WNT11: variants seen among roughly 807,000 people sequenced by gnomAD.
WNT11 encodes protein Wnt-11.
Under a neutral mutation model 35.6 loss-of-function variants are expected in WNT11, and 20 were observed. That is an observed-to-expected ratio of 0.56 (90% CI 0.40 to 0.82). The LOEUF is 0.82. Among genes scored for constraint, WNT11 ranks in the 40% least tolerant of loss-of-function variants. WNT11 has a pLI of 0.00. For synonymous variants in WNT11, 200 were observed against 211.9 expected, an observed-to-expected ratio of 0.94 and a Z score of 0.49; for missense variants, 459 against 504.4, an observed-to-expected ratio of 0.91 and a Z score of 0.86.
Position 76,186,885 on chromosome 11 carries a change from G to T in WNT11, c.*180C>A. On this transcript the variant is annotated 3_prime_UTR_variant, in exon 5 of 5. Transcript: ENST00000322563. ...CTTTGATGTCCTGCCCTCCTTCCAG[G>T]GTGGCCAGACCTTCTGTTCCTGGTG... is the stretch of plus-strand genomic sequence containing the variant. The T allele has an allele frequency of 1.1e-6, 1 of 890,470 alleles. No individual in the cohort carries two copies. The highest frequency in any genetic ancestry group is 1.8e-6 in the Non-Finnish European group (1 of 558,486). The allele number at this position is 890,470 out of a possible 1,614,324, so 55.2% of individuals were successfully genotyped here.
intron 1 of WNT11, among the ~76,000 whole-genome samples, chr11:76,202,602 C>T (rs947030700): frequency 2.0e-5 from 3 of 152,270 alleles, no homozygotes; most frequent in African/African-American, 4.8e-5. Flanking sequence ...TCTCCCTCCA[C>T]GACTCCTCAA....
chr11:76,189,816 C>T (rs762646901), intron 4 of WNT11, among the ~76,000 whole-genome samples: 1 of 152,196 alleles, frequency 6.6e-6, no homozygotes, highest in African/African-American at 2.4e-5. Flanking sequence ...GTAATGGGCA[C>T]AAGAAATGCT....
chr11:76,208,252 G>C (rs1414819306), upstream of WNT11, among the ~76,000 whole-genome samples: 1 of 152,244 alleles, frequency 6.6e-6, no homozygotes, highest in Non-Finnish European at 1.5e-5. Context: ...GAGATGGGAA[G>C]CCCCACTGTT....
chr11:76,196,873 A>T (rs1245478909), intron 1 of WNT11, among the ~76,000 whole-genome samples, 155 bp from the exon 2 acceptor site: 5 of 152,226 alleles, frequency 3.3e-5, no homozygotes, highest in African/African-American at 1.2e-4. Flanking sequence ...CCAAACTGTC[A>T]GCTGGCAGAG....
At chr11:76,202,655 G>T (rs1170969300) in intron 1 of WNT11, among the ~76,000 whole-genome samples, 1 of 152,172 alleles carries the variant, frequency 6.6e-6, no homozygotes, top group Non-Finnish European at 1.5e-5. Flanking sequence ...CCGGGGAGAG[G>T]TCTAGGAACC....
At chr11:76,197,138 T>C (rs946478254) in intron 1 of WNT11, among the ~76,000 whole-genome samples, 20 of 152,234 alleles carry the variant, frequency 1.3e-4, no homozygotes, top group Admixed American at 1.2e-3. Context: ...CCATGAGAAA[T>C]GCTAGATTCT....
In WNT11 at chr11:76,191,820, G is replaced by A; in HGVS notation, c.634C>T (p.His212Tyr). The A allele has an allele frequency of 6.2e-7, 1 of 1,607,510 alleles. No homozygotes were observed. The highest frequency in any genetic ancestry group is 8.5e-7 in the Non-Finnish European group (1 of 1,179,940). ...RASLEMKCKCHGVSGSCSIRT... is the reference protein window; with the variant it reads ...RASLEMKCKCYGVSGSCSIRT... Reference sequence around the variant, plus strand: ...ATGGAGCAGGAGCCAGACACCCCATGGCACTTACACTTCATTTCCAGAGAG... The same window carrying A: ...ATGGAGCAGGAGCCAGACACCCCATAGCACTTACACTTCATTTCCAGAGAG... Residue 212 changes from histidine to tyrosine, a missense_variant, in exon 4 of 5, where the codon CAT becomes TAT. His to Tyr is a moderately conservative substitution (Grantham distance 83). Coordinates refer to ENST00000322563, the MANE Select transcript of WNT11 (RefSeq NM_004626.3).
chr11:76,208,313 C>G (rs996770362), upstream of WNT11, among the ~76,000 whole-genome samples: 1 of 152,204 alleles, frequency 6.6e-6, no homozygotes, highest in Non-Finnish European at 1.5e-5. Flanking sequence ...AAGCCTGGAT[C>G]GTACAGTTTT....
At chr11:76,197,499 C>T (rs944892064) in intron 1 of WNT11, among the ~76,000 whole-genome samples, 3 of 152,190 alleles carry the variant, frequency 2.0e-5, no homozygotes, top group East Asian at 1.9e-4. Context: ...GTGGGGAACA[C>T]GATGTACTAT....
At chr11:76,200,468 C>G (rs969722074) in intron 1 of WNT11, among the ~76,000 whole-genome samples, 11 of 152,250 alleles carry the variant, frequency 7.2e-5, no homozygotes, top group African/African-American at 1.9e-4. Context: ...CCCAGCAAAC[C>G]CTGTCCCTGC....
chr11:76,200,227 G>A (rs1359066349), intron 1 of WNT11, among the ~76,000 whole-genome samples: 1 of 152,188 alleles, frequency 6.6e-6, no homozygotes, highest in Admixed American at 6.5e-5. Context: ...TATGAGTCGG[G>A]AAATGTCTGG....
In WNT11 at chr11:76,206,394, GGCCGC is replaced by G; in HGVS notation, c.9_13del (p.Arg4AlafsTer90). On this transcript the variant is annotated frameshift_variant, in exon 1 of 5. Transcript: ENST00000322563. LOFTEE classifies it high-confidence loss of function. ...GAAGAGCAGCGCCTCGCAGACCTGCGGCCGCGCCCTCATCGTCGCGCGGCGGGCGC... is the reference window on the plus strand; with the variant it reads ...GAAGAGCAGCGCCTCGCAGACCTGCGGCCCTCATCGTCGCGCGGCGGGCGC... 1 of 1,529,828 alleles carries G rather than the reference GGCCGC, an allele frequency of 6.5e-7. No individual in the cohort carries two copies. The highest frequency in any genetic ancestry group is 8.7e-7 in the Non-Finnish European group (1 of 1,144,070). 94.8% of individuals were successfully genotyped at this position (1,529,828 alleles called of 1,614,324 possible).
At chr11:76,202,742 G>T (rs981757044) in intron 1 of WNT11, among the ~76,000 whole-genome samples, 7 of 152,202 alleles carry the variant, frequency 4.6e-5, no homozygotes, top group Non-Finnish European at 1.0e-4. Context: ...AGCCCCTGGG[G>T]CCCCACAGCC....
intron 1 of WNT11, among the ~76,000 whole-genome samples, chr11:76,206,117 G>A (rs1370615319): frequency 6.6e-6 from 1 of 151,270 alleles, no homozygotes; most frequent in Non-Finnish European, 1.5e-5. Context: ...TGTGGTCCAC[G>A]CCCGTCTCAC....
chr11:76,202,733 G>GC (rs1319556483), intron 1 of WNT11, among the ~76,000 whole-genome samples: 1 of 152,168 alleles, frequency 6.6e-6, no homozygotes, highest in African/African-American at 2.4e-5. Flanking sequence ...GGAAGAAGAA[G>GC]CCCCTGGGGC....
At chr11:76,207,030 T>G (rs1953486344), upstream of WNT11, 1 of 152,340 alleles carries the variant, frequency 6.6e-6, no homozygotes, top group Non-Finnish European at 1.5e-5. Context: ...ACCTCCTCAG[T>G]AAGCTGGGGC....
intron 4 of WNT11, among the ~76,000 whole-genome samples, chr11:76,187,818 T>TTCTTCTACTTCTAAATACTGGAAGGACC (rs1340381336): frequency 3.3e-5 from 5 of 152,288 alleles, no homozygotes; most frequent in African/African-American, 9.6e-5. Context: ...TTTTTTCTAT[T>TTCTTCTACTTCTAAATACTGGAAGGACC]TCTTCTACTT....
chr11:76,205,207 C>A (rs544827417), intron 1 of WNT11, among the ~76,000 whole-genome samples: 1 of 152,332 alleles, frequency 6.6e-6, no homozygotes, highest in East Asian at 1.9e-4. Flanking sequence ...CCAGTGACCT[C>A]CAGACTGTTT....
chr11:76,200,222 G>C (rs1953353552), intron 1 of WNT11, among the ~76,000 whole-genome samples: 1 of 152,184 alleles, frequency 6.6e-6, no homozygotes, highest in Admixed American at 6.5e-5. Context: ...TAAACTATGA[G>C]TCGGGAAATG....
Sources: gnomAD v4.1 joint callset for allele counts (sites outside exome capture counted in the v4.1 genomes callset) on GRCh38, gnomAD v4.1.1 for gene constraint, MANE v1.5 for transcripts, NCBI Gene and HGNC (gene_info 2026-07-23, HGNC 2026-07-21) for gene names.